The following GALNT14 variants were observed in gnomAD, a reference collection of about 807,000 sequenced individuals.
The protein encoded by GALNT14 is polypeptide N-acetylgalactosaminyltransferase 14.
Under a neutral mutation model 77.5 loss-of-function variants are expected in GALNT14, and 60 were observed. The observed-to-expected ratio is 0.77, with a 90% CI of 0.63 to 0.96. GALNT14 has a LOEUF of 0.96. Among genes scored for constraint, GALNT14 ranks in the 40% least tolerant of loss-of-function variants. The pLI is 0.00. For missense variants in GALNT14, 710 were observed against 731.0 expected (o/e 0.97, Z 0.33); for synonymous variants, 280 against 281.7 (o/e 0.99, Z 0.06).
intron 1 of GALNT14, among the ~76,000 whole-genome samples, chr2:31,043,577 C>T (rs190816427): frequency 1.8e-4 from 28 of 152,224 alleles, no homozygotes; most frequent in Non-Finnish European, 3.1e-4. Context: ...CTGCAGGGGC[C>T]ATGGTCTGGC....
chr2:31,037,336 A>G (rs904019975), intron 1 of GALNT14, among the ~76,000 whole-genome samples: 1 of 152,182 alleles, frequency 6.6e-6, no homozygotes, highest in Non-Finnish European at 1.5e-5. Flanking sequence ...GTTCCTTTAA[A>G]TCAATAATTT....
At chr2:31,016,760 G>A (rs1013500522) in intron 1 of GALNT14, among the ~76,000 whole-genome samples, 2 of 152,162 alleles carry the variant, frequency 1.3e-5, no homozygotes, top group African/African-American at 4.8e-5. Flanking sequence ...CATCCTTGCA[G>A]AGCATCTTCC....
At chr2:31,023,718 G>A (rs1355521890) in intron 1 of GALNT14, among the ~76,000 whole-genome samples, 1 of 151,964 alleles carries the variant, frequency 6.6e-6, no homozygotes, top group East Asian at 1.9e-4. Context: ...TGGCACAGTA[G>A]CCTCATCCCT....
At chr2:31,052,527 C>G (rs953831915) in intron 1 of GALNT14, among the ~76,000 whole-genome samples, 8 of 152,178 alleles carry the variant, frequency 5.3e-5, no homozygotes, top group Non-Finnish European at 8.8e-5. Context: ...CTGCGGGACA[C>G]CAGAGCATCC....
intron 1 of GALNT14, among the ~76,000 whole-genome samples, chr2:31,016,998 A>G (rs1671408372): frequency 6.6e-6 from 1 of 152,218 alleles, no homozygotes; most frequent in Admixed American, 6.5e-5. Context: ...TGAATCCTCA[A>G]AAACCCTGCA....
At chr2:31,026,073 C>T (rs546168624) in intron 1 of GALNT14, among the ~76,000 whole-genome samples, 64 of 152,290 alleles carry the variant, frequency 4.2e-4, no homozygotes, top group Non-Finnish European at 7.3e-4. Flanking sequence ...CCTAACTGAG[C>T]TACCACATAA....
intron 1 of GALNT14, among the ~76,000 whole-genome samples, chr2:31,131,149 T>C (rs766108892): frequency 3.9e-5 from 6 of 152,278 alleles, no homozygotes; most frequent in Admixed American, 6.5e-5. Flanking sequence ...GTGGCCACAC[T>C]GGCTGCCATG....
At chr2:31,068,426 G>A (rs970255302) in intron 1 of GALNT14, among the ~76,000 whole-genome samples, 2 of 150,198 alleles carry the variant, frequency 1.3e-5, no homozygotes, top group African/African-American at 2.5e-5. Flanking sequence ...GGCGAAGGTT[G>A]CAGTGAGCCC....
At chr2:31,132,435 C>G (rs565189388) in intron 1 of GALNT14, among the ~76,000 whole-genome samples, 1 of 152,272 alleles carries the variant, frequency 6.6e-6, no homozygotes, top group East Asian at 1.9e-4. Flanking sequence ...TGTGTACCAC[C>G]ACCCAGACAC....
chr2:30,912,601 A>G (rs762291213), intron 13 of GALNT14, among the ~76,000 whole-genome samples: 3 of 152,230 alleles, frequency 2.0e-5, no homozygotes, highest in Non-Finnish European at 4.4e-5. Context: ...GGAGTCCTGA[A>G]CAATTCTGGG....
chr2:30,961,769 C>A (rs1418345169), intron 3 of GALNT14, among the ~76,000 whole-genome samples: 1 of 151,988 alleles, frequency 6.6e-6, no homozygotes, highest in African/African-American at 2.4e-5. Flanking sequence ...ACAACCTCCG[C>A]CTCCCAGGTT....
chr2:30,928,068 G>A (rs552951025), intron 11 of GALNT14, among the ~76,000 whole-genome samples: 1 of 152,286 alleles, frequency 6.6e-6, no homozygotes, highest in Non-Finnish European at 1.5e-5. Context: ...CAGTGAGGGG[G>A]ATGTGGTTGA....
chr2:30,941,461 G>A (rs1666373403), intron 9 of GALNT14, among the ~76,000 whole-genome samples: 1 of 152,202 alleles, frequency 6.6e-6, no homozygotes, highest in Non-Finnish European at 1.5e-5. Context: ...ACAGCCCCAA[G>A]AAGTAGAGCT....
intron 13 of GALNT14, among the ~76,000 whole-genome samples, chr2:30,918,644 GGGC>G (rs1664835881): frequency 3.6e-5 from 5 of 137,052 alleles, no homozygotes; most frequent in African/African-American, 1.3e-4. Flanking sequence ...GGGTGGCATT[GGGC>G]AGGGAGGATG....
Position 31,028,383 on chromosome 2 carries a change from C to G in GALNT14, c.130-35376G>C, listed in dbSNP as rs551553006. On this transcript the variant is annotated intron_variant, in intron 1 of 14. Transcript: ENST00000349752. ...TGGCGGAAAGCCAGATCAGAACTCT[C>G]AGTCCATCCAGGGCCAGCTCTGTGC... is the stretch of plus-strand genomic sequence containing the variant. Among the ~76,000 whole-genome samples the G allele has an allele frequency of 5.8e-4, 89 of 152,366 alleles. 1 individual carries two copies. Among genetic ancestry groups the G allele is most frequent in the Non-Finnish European group, 1.9e-4 (13 of 68,026 alleles).
At chr2:30,901,943 T>C in the GALNT14 span, among the ~76,000 whole-genome samples, 61 of 152,284 alleles carry the variant, frequency 4.0e-4, no homozygotes, top group Middle Eastern at 0.01. Flanking sequence ...TTTGTTGTCA[T>C]AGGCTGATAG....
chr2:30,942,290 G>A lies in GALNT14; in HGVS notation c.842C>T (p.Ala281Val). The change falls in exon 9 of 15, where the codon GCT (alanine) becomes GTT (valine). Residue 281 changes from alanine (A) to valine (V), a missense_variant. Ala to Val is a moderately conservative substitution (Grantham distance 64, BLOSUM62 0). Coordinates refer to ENST00000349752, the MANE Select transcript of GALNT14 (RefSeq NM_024572.4). The part of the protein sequence containing the change: ...PTEPIRTPII[A>V]GGLFVIDKAW... ...TTTGTCGATCACGAAGAGCCCTCCAGCTATGATAGGAGTCCTGTGCATTTG... is the reference window on the plus strand; with the variant it reads ...TTTGTCGATCACGAAGAGCCCTCCAACTATGATAGGAGTCCTGTGCATTTG... 1 of 1,613,604 alleles carries A rather than the reference G, an allele frequency of 6.2e-7. No individual in the cohort carries two copies. The highest frequency in any genetic ancestry group is 8.5e-7 in the Non-Finnish European group (1 of 1,179,568).
chr2:31,128,728 G>A (rs537905126), intron 1 of GALNT14, among the ~76,000 whole-genome samples: 112 of 152,260 alleles, frequency 7.4e-4, no homozygotes, highest in Middle Eastern at 3.4e-3. Flanking sequence ...GGGGAAGGGC[G>A]GAGAGCCTCT....
At chr2:30,909,208 T>C (rs1422274453), downstream of GALNT14, among the ~76,000 whole-genome samples, 3 of 149,802 alleles carry the variant, frequency 2.0e-5, no homozygotes, top group Non-Finnish European at 3.0e-5. Flanking sequence ...AATTGACAAA[T>C]GGGATCTAAT....
Sources: allele counts gnomAD v4.1 joint callset (sites outside exome capture counted in the v4.1 genomes callset), GRCh38; gene constraint gnomAD v4.1.1; transcripts MANE v1.5; gene names NCBI Gene and HGNC (gene_info 2026-07-23, HGNC 2026-07-21).